Variants in AUTS2 observed in about 807,000 individuals in gnomAD.
AUTS2 encodes the protein autism susceptibility gene 2 protein.
AUTS2 carries 17 observed loss-of-function variants against 112.4 expected under a neutral mutation model. That is an observed-to-expected ratio of 0.15 (90% CI 0.10 to 0.23). The LOEUF (loss-of-function observed/expected upper bound fraction) is 0.23. Ranked by LOEUF, AUTS2 falls within the 10% of genes least tolerant of loss-of-function variation. The pLI is 1.00. For missense variants in AUTS2, 1,510 were observed against 1,701.6 expected, an observed-to-expected ratio of 0.89 and a Z score of 1.98; for synonymous variants, 751 against 702.7, an observed-to-expected ratio of 1.07 and a Z score of -1.09.
intron 1 of AUTS2, among the ~76,000 whole-genome samples, chr7:69,683,119 CG>C (rs2129170200): frequency 6.6e-6 from 1 of 152,298 alleles, no homozygotes; most frequent in East Asian, 1.9e-4. Flanking sequence ...CTGGATGAGG[CG>C]GTATCTGATT....
At chr7:70,265,026 A>G (rs1046374687) in intron 4 of AUTS2, among the ~76,000 whole-genome samples, 13 of 152,238 alleles carry the variant, frequency 8.5e-5, no homozygotes, top group African/African-American at 3.1e-4. Flanking sequence ...ATTCCCCTTC[A>G]GTTTATTTTA....
At chr7:70,375,660 A>T (rs1177913538) in intron 4 of AUTS2, among the ~76,000 whole-genome samples, 1 of 152,212 alleles carries the variant, frequency 6.6e-6, no homozygotes, top group Admixed American at 6.5e-5. Context: ...GAAGAAAAAC[A>T]TTGGCTGAAT....
intron 5 of AUTS2, among the ~76,000 whole-genome samples, chr7:70,486,783 TGTTA>T (rs900081011): frequency 2.0e-5 from 3 of 151,518 alleles, no homozygotes; most frequent in Admixed American, 6.6e-5. Context: ...TAAAAATAAA[TGTTA>T]GTTATTGTTG....
At chr7:70,761,181 C>T (rs777767587) in intron 6 of AUTS2, among the ~76,000 whole-genome samples, 2 of 152,160 alleles carry the variant, frequency 1.3e-5, no homozygotes, top group Non-Finnish European at 1.5e-5. Context: ...AGTGCAGGCA[C>T]CTCTAATCCT....
chr7:70,023,026 G>C (rs887907881), intron 2 of AUTS2, among the ~76,000 whole-genome samples: 2 of 152,026 alleles, frequency 1.3e-5, no homozygotes, highest in African/African-American at 4.8e-5. Flanking sequence ...TAAATTTTTT[G>C]TAGAGACGGG....
intron 5 of AUTS2, among the ~76,000 whole-genome samples, chr7:70,500,025 C>T (rs986057382): frequency 3.9e-5 from 6 of 152,074 alleles, no homozygotes; most frequent in Admixed American, 6.5e-5. Context: ...CGATGTCCTT[C>T]GGAAAATAGA....
At chr7:69,944,371 G>C (rs1232725446) in intron 2 of AUTS2, among the ~76,000 whole-genome samples, 3 of 152,212 alleles carry the variant, frequency 2.0e-5, no homozygotes, top group Non-Finnish European at 2.9e-5. Flanking sequence ...TTTAGATGGA[G>C]ACTGCTGGAG....
intron 5 of AUTS2, among the ~76,000 whole-genome samples, chr7:70,559,999 G>A (rs767885702): frequency 6.6e-6 from 1 of 152,176 alleles, no homozygotes; most frequent in Non-Finnish European, 1.5e-5. Flanking sequence ...CCTGCCTACT[G>A]CTCTGACTTC....
chr7:69,851,023 G>A (rs1435663370), intron 1 of AUTS2, among the ~76,000 whole-genome samples: 1 of 152,152 alleles, frequency 6.6e-6, no homozygotes, highest in Non-Finnish European at 1.5e-5. Context: ...TAAGTTTTGT[G>A]TAAGTATGAG....
intron 1 of AUTS2, among the ~76,000 whole-genome samples, chr7:69,754,253 A>G (rs1421683693): frequency 6.6e-6 from 1 of 152,168 alleles, no homozygotes; most frequent in Non-Finnish European, 1.5e-5. Flanking sequence ...GGGACAACAT[A>G]TGTTACATAC....
intron 2 of AUTS2, among the ~76,000 whole-genome samples, chr7:70,040,139 T>C (rs1563058520): frequency 7.1e-6 from 1 of 141,730 alleles, no homozygotes; most frequent in Non-Finnish European, 1.6e-5. Flanking sequence ...TGGGTACATA[T>C]AATTTTACGT....
At chr7:70,138,451 G>A (rs189693746) in intron 4 of AUTS2, among the ~76,000 whole-genome samples, 8 of 152,310 alleles carry the variant, frequency 5.3e-5, no homozygotes, top group Non-Finnish European at 2.9e-5. Flanking sequence ...TGTAAGGGAA[G>A]TACAGCCTTA....
chr7:70,408,959 T>C (rs1219835303), intron 4 of AUTS2, among the ~76,000 whole-genome samples: 2 of 152,244 alleles, frequency 1.3e-5, no homozygotes, highest in Non-Finnish European at 2.9e-5. Context: ...CAAAATATGC[T>C]GATAGCAATT....
intron 2 of AUTS2, among the ~76,000 whole-genome samples, chr7:69,922,311 T>A (rs1457110568): frequency 6.6e-6 from 1 of 152,216 alleles, no homozygotes; most frequent in African/African-American, 2.4e-5. Flanking sequence ...CAATAAACTG[T>A]TGGCATTATT....
chr7:70,302,682 C>T (rs1789274486), intron 4 of AUTS2, among the ~76,000 whole-genome samples: 1 of 151,952 alleles, frequency 6.6e-6, no homozygotes, highest in African/African-American at 2.4e-5. Flanking sequence ...GTGTTGGTTA[C>T]TTCAAAGGTG....
intron 2 of AUTS2, among the ~76,000 whole-genome samples, chr7:70,037,620 A>G (rs890127272): frequency 6.6e-6 from 1 of 152,118 alleles, no homozygotes; most frequent in African/African-American, 2.4e-5. Flanking sequence ...TTCTTTTACA[A>G]ATTGTGAGCT....
intron 4 of AUTS2, among the ~76,000 whole-genome samples, chr7:70,272,930 T>G (rs1787761272): frequency 6.6e-6 from 1 of 152,158 alleles, no homozygotes; most frequent in Admixed American, 6.5e-5. Context: ...TCAAGACCAA[T>G]CTAGACAAAC....
chr7:70,404,540 G>A (rs1794453537), intron 4 of AUTS2, among the ~76,000 whole-genome samples: 1 of 152,158 alleles, frequency 6.6e-6, no homozygotes, highest in Non-Finnish European at 1.5e-5. Context: ...TCTACTTCCA[G>A]TTTTTCAGGT....
intron 5 of AUTS2, among the ~76,000 whole-genome samples, chr7:70,600,557 C>T (rs780489649): frequency 1.4e-4 from 21 of 152,142 alleles, no homozygotes; most frequent in East Asian, 5.8e-4. Context: ...ATTACAGGCA[C>T]GGGCCACCGC....
Sources: allele counts gnomAD v4.1 joint callset (sites outside exome capture counted in the v4.1 genomes callset), GRCh38; gene constraint gnomAD v4.1.1; transcripts MANE v1.5; gene names NCBI Gene and HGNC (gene_info 2026-07-23, HGNC 2026-07-21).